ZNF407: variants seen among roughly 807,000 people sequenced by gnomAD.
ZNF407 encodes the protein zinc finger protein 407.
A neutral mutation model predicts 131.2 loss-of-function variants in ZNF407; 17 were observed. That is an observed-to-expected ratio of 0.13 (90% CI 0.09 to 0.19). The LOEUF (loss-of-function observed/expected upper bound fraction) is 0.19, where lower values mean the gene tolerates loss of function less well. Among genes scored for constraint, ZNF407 ranks in the 10% least tolerant of loss-of-function variants. ZNF407 has a pLI of 1.00. For missense variants in ZNF407, 2,681 were observed against 2,830.6 expected (o/e 0.95, Z 1.20); for synonymous variants, 1,156 against 1,062.0 (o/e 1.09, Z -1.72).
intron 4 of ZNF407, among the ~76,000 whole-genome samples, chr18:74,823,558 A>T (rs1970369956): frequency 6.6e-6 from 1 of 152,234 alleles, no homozygotes; most frequent in Non-Finnish European, 1.5e-5. Flanking sequence ...CAGGAGTTGC[A>T]ATTCTAATTT....
chr18:74,882,003 C>T (rs990981072), intron 6 of ZNF407, among the ~76,000 whole-genome samples: 36 of 152,108 alleles, frequency 2.4e-4, no homozygotes, highest in Non-Finnish European at 5.1e-4. Flanking sequence ...CATCAGATCT[C>T]GTGAGACTTA....
intron 3 of ZNF407, among the ~76,000 whole-genome samples, chr18:74,686,443 A>G (rs971768682): frequency 3.3e-5 from 5 of 152,030 alleles, no homozygotes; most frequent in Non-Finnish European, 5.9e-5. Context: ...ACTTCTGACT[A>G]TTCTCTGTGG....
intron 8 of ZNF407, among the ~76,000 whole-genome samples, chr18:74,933,807 A>C (rs555576506): frequency 2.6e-5 from 4 of 152,234 alleles, no homozygotes; most frequent in Admixed American, 2.0e-4. Flanking sequence ...GATATGTTCT[A>C]GTCAGTGTTT....
At chr18:74,644,591 A>G (rs745630273) in intron 3 of ZNF407, among the ~76,000 whole-genome samples, 22 of 151,842 alleles carry the variant, frequency 1.4e-4, no homozygotes, top group Non-Finnish European at 2.4e-4. Flanking sequence ...TATACCTGGT[A>G]CTCTAAATAG....
chr18:74,603,020 G>T (rs1982649773), intron 1 of ZNF407, among the ~76,000 whole-genome samples: 1 of 152,128 alleles, frequency 6.6e-6, no homozygotes, highest in East Asian at 1.9e-4. Flanking sequence ...CAGGCAGCCC[G>T]GCAGATCATG....
Position 74,632,341 on chromosome 18 carries a change from A to G in ZNF407, c.1322A>G (p.Lys441Arg). The G allele has an allele frequency of 6.2e-7, 1 of 1,614,008 alleles. No individual in the cohort carries two copies. The highest frequency in any genetic ancestry group is 8.5e-7 in the Non-Finnish European group (1 of 1,179,906). ...SSTFTLKGQA[K>R]KRFNLLGIKR... is the part of the protein sequence containing the mutation. The stretch of plus-strand genomic sequence containing the variant: ...ACTTTCACCTTGAAGGGCCAGGCAA[A>G]GAAAAGGTTTAATCTTTTAGGAATT... The change falls in exon 2 of 9, where the codon AAG becomes AGG. Residue 441 changes from lysine (K) to arginine (R), a missense_variant. By Grantham distance (26) the Lys-to-Arg change is conservative (BLOSUM62 2). Transcript: ENST00000299687.
intron 7 of ZNF407, among the ~76,000 whole-genome samples, chr18:74,914,968 T>C (rs1971726880): frequency 6.6e-6 from 1 of 152,230 alleles, no homozygotes; most frequent in Non-Finnish European, 1.5e-5. Flanking sequence ...TGACATGAGT[T>C]CTTCCTAGCA....
chr18:74,838,623 T>C (rs1419415187), intron 4 of ZNF407, among the ~76,000 whole-genome samples: 13 of 152,204 alleles, frequency 8.5e-5, no homozygotes, highest in Admixed American at 8.5e-4. Flanking sequence ...GTATGTACTT[T>C]ATTAAAAGTT....
intron 3 of ZNF407, among the ~76,000 whole-genome samples, chr18:74,667,549 C>T (rs1985979486): frequency 6.6e-6 from 1 of 152,194 alleles, no homozygotes; most frequent in Admixed American, 6.5e-5. Flanking sequence ...ACTTAATCCT[C>T]ACAGCAGCTG....
At position 74,672,084 on chromosome 18, in the gene ZNF407, G is replaced by T. The variant is rs60625036; in HGVS notation, c.4802+30962G>T. Among the ~76,000 whole-genome samples the T allele has an allele frequency of 3.5e-3, 533 of 152,202 alleles. 3 individuals are homozygous for T. The highest frequency in any genetic ancestry group is 0.012 in the African/African-American group (504 of 41,512). On this transcript the variant is annotated intron_variant, in intron 3 of 8. Coordinates refer to ENST00000299687, the MANE Select transcript of ZNF407 (RefSeq NM_017757.3). ...TCCTCTGGGTATATACCTAGTGATG[G>T]GATTGCTGGGGGGTAGTGCTGATTT...
intron 3 of ZNF407, among the ~76,000 whole-genome samples, chr18:74,712,556 T>G (rs1429507925): frequency 1.3e-5 from 2 of 152,184 alleles, no homozygotes; most frequent in Non-Finnish European, 2.9e-5. Flanking sequence ...GAAACAGAAT[T>G]CATTTTCTGA....
chr18:74,919,316 A>G (rs1971815191), intron 7 of ZNF407, among the ~76,000 whole-genome samples: 1 of 152,232 alleles, frequency 6.6e-6, no homozygotes, highest in African/African-American at 2.4e-5. Context: ...CACATGGTAT[A>G]ATTGAATATT....
Position 74,881,563 on chromosome 18 carries a change from C to T in ZNF407, c.5128+444C>T, listed in dbSNP as rs186928110. Among the ~76,000 whole-genome samples the T allele has an allele frequency of 1.5e-4, 22 of 149,582 alleles. No homozygotes were observed. In the East Asian group the frequency reaches 3.5e-3, roughly 24 times the overall value. ...TAGCGACATGTCTACCCCTCCCTTC[C>T]TCTCTCTCTCTCTGCCTACCTCCCT... On this transcript the variant is annotated intron_variant, in intron 6 of 8. Coordinates refer to ENST00000299687, the MANE Select transcript of ZNF407 (RefSeq NM_017757.3).
intron 3 of ZNF407, among the ~76,000 whole-genome samples, chr18:74,742,315 A>T (rs1968568017): frequency 6.6e-6 from 1 of 152,240 alleles, no homozygotes; most frequent in Non-Finnish European, 1.5e-5. Flanking sequence ...AATACCGCTT[A>T]GAAATTAACA....
At chr18:74,929,431 C>G (rs557839679) in intron 8 of ZNF407, among the ~76,000 whole-genome samples, 1 of 151,902 alleles carries the variant, frequency 6.6e-6, no homozygotes, top group Admixed American at 6.6e-5. Context: ...TGATCTTATC[C>G]CCTCTGACAG....
intron 4 of ZNF407, among the ~76,000 whole-genome samples, chr18:74,797,405 C>T (rs1292087692): frequency 1.3e-5 from 2 of 152,196 alleles, no homozygotes; most frequent in Admixed American, 1.3e-4. Context: ...TGACCTGCCT[C>T]GCTTTGGCAA....
At chr18:74,859,691 G>C (rs1356225758) in intron 4 of ZNF407, among the ~76,000 whole-genome samples, 2 of 152,172 alleles carry the variant, frequency 1.3e-5, no homozygotes, top group Non-Finnish European at 1.5e-5. Context: ...TCTGTGAAAA[G>C]ATAAATTACT....
chr18:74,647,492 A>G (rs942993807), intron 3 of ZNF407, among the ~76,000 whole-genome samples: 1 of 151,698 alleles, frequency 6.6e-6, no homozygotes, highest in Non-Finnish European at 1.5e-5. Flanking sequence ...AACCTTCCTG[A>G]TCCCCACAGT....
intron 7 of ZNF407, among the ~76,000 whole-genome samples, chr18:74,913,183 C>T (rs1246379006): frequency 6.6e-6 from 1 of 152,166 alleles, no homozygotes; most frequent in Non-Finnish European, 1.5e-5. Flanking sequence ...TGCCCATTGA[C>T]ATTTGAAGCA....
Sources: allele counts gnomAD v4.1 joint callset (sites outside exome capture counted in the v4.1 genomes callset), GRCh38; gene constraint gnomAD v4.1.1; transcripts MANE v1.5; gene names NCBI Gene and HGNC (gene_info 2026-07-23, HGNC 2026-07-21).